Variants in FOXK2 observed in about 807,000 individuals in gnomAD.
FOXK2 encodes forkhead box K2, also known as forkhead box protein K2.
Under a neutral mutation model 53.3 loss-of-function variants are expected in FOXK2, and 24 were observed. The ratio of observed to expected loss-of-function variants is 0.45; its 90% CI spans 0.33 to 0.63. FOXK2 has a LOEUF of 0.63. Ranked by LOEUF, FOXK2 falls within the 30% of genes least tolerant of loss-of-function variation. The pLI, the probability that FOXK2 is intolerant of heterozygous loss-of-function variation, is 0.03. For synonymous variants in FOXK2, 505 were observed against 407.1 expected (o/e 1.24, Z -2.89); for missense variants, 952 against 910.5 (o/e 1.05, Z -0.59).
Position 82,563,399 on chromosome 17 carries a change from T to A in FOXK2, c.465T>A (p.Thr155=). ...FPSTNIKITF[T]ALSSEKREKQ... ...GCACAAACATCAAGATAACGTTCAC[T>A]GCCCTGTCCAGCGAGAAGAGAGAGA... The change falls in exon 2 of 9, where the codon ACT becomes ACA. Residue 155 remains threonine, a synonymous_variant. Transcript: ENST00000335255. 1 of 1,614,160 alleles carries A rather than the reference T, an allele frequency of 6.2e-7. No individual in the cohort carries two copies. Among genetic ancestry groups the A allele is most frequent in the East Asian group, 2.2e-5 (1 of 44,886 alleles).
chr17:82,558,436 T>C (rs913441360), intron 1 of FOXK2, among the ~76,000 whole-genome samples: 39 of 152,178 alleles, frequency 2.6e-4, no homozygotes, highest in African/African-American at 7.7e-4. Context: ...ACGAGGACGT[T>C]GTGCGTAACT....
intron 5 of FOXK2, 123 bp from the exon 6 acceptor site, chr17:82,583,890 C>G: frequency 2.0e-6 from 2 of 1,009,070 alleles, no homozygotes; most frequent in Non-Finnish European, 2.8e-6. Flanking sequence ...AGAACTTACA[C>G]AACAGTACTT....
intron 4 of FOXK2, among the ~76,000 whole-genome samples, 184 bp from the exon 5 acceptor site, chr17:82,582,557 T>C (rs2045076858): frequency 6.6e-6 from 1 of 152,194 alleles, no homozygotes; most frequent in Non-Finnish European, 1.5e-5. Context: ...AGGATGGGCC[T>C]TCCTTAAATC....
chr17:82,590,582 G>A (rs139375116), intron 8 of FOXK2, among the ~76,000 whole-genome samples: 1 of 152,078 alleles, frequency 6.6e-6, no homozygotes, highest in South Asian at 2.1e-4. Flanking sequence ...TTATTCATAT[G>A]TAGAGATTTC....
chr17:82,553,721 G>A (rs72861082), intron 1 of FOXK2, among the ~76,000 whole-genome samples: 27,423 of 152,178 alleles, frequency 0.18, 2,811 homozygotes, highest in Non-Finnish European at 0.24. Flanking sequence ...CACTAGAATC[G>A]GCTAAGCTCC....
At chr17:82,585,486 G>A (rs3794719) in intron 6 of FOXK2, among the ~76,000 whole-genome samples, 71,749 of 151,800 alleles carry the variant, frequency 0.47, 17,369 homozygotes, top group African/African-American at 0.56. Context: ...TAACATGCCC[G>A]GTTAATATTT....
At chr17:82,597,518 C>A (rs748377997) in intron 8 of FOXK2, among the ~76,000 whole-genome samples, 1 of 152,238 alleles carries the variant, frequency 6.6e-6, no homozygotes, top group African/African-American at 2.4e-5. Flanking sequence ...GCTTCAGGGC[C>A]GGGCGTGTTA....
At chr17:82,592,565 A>G (rs7215059) in intron 8 of FOXK2, among the ~76,000 whole-genome samples, 28,035 of 152,200 alleles carry the variant, frequency 0.18, 2,742 homozygotes, top group African/African-American at 0.24. Flanking sequence ...ACCCTGCGAC[A>G]TTCTCCTCAG....
intron 7 of FOXK2, 49 bp from the exon 8 acceptor site, chr17:82,587,014 T>C (rs1185025900): frequency 1.3e-6 from 2 of 1,571,106 alleles, no homozygotes; most frequent in Non-Finnish European, 1.8e-6. Flanking sequence ...GCAAGATTTT[T>C]ATTTGCTTTC....
chr17:82,579,522 C>T (rs2045032257), intron 4 of FOXK2, among the ~76,000 whole-genome samples: 1 of 145,766 alleles, frequency 6.9e-6, no homozygotes, highest in Admixed American at 6.9e-5. Flanking sequence ...TGGCCTAGCC[C>T]TCCTCTCCAT....
intron 8 of FOXK2, chr17:82,595,698 A>G (rs946406790): frequency 3.5e-5 from 41 of 1,156,470 alleles, no homozygotes; most frequent in Non-Finnish European, 4.4e-5. Context: ...GGTCCCTGTT[A>G]TTAAGCCTGT....
chr17:82,541,612 G>C (rs769670205), intron 1 of FOXK2, among the ~76,000 whole-genome samples: 10 of 152,218 alleles, frequency 6.6e-5, no homozygotes, highest in African/African-American at 2.2e-4. Flanking sequence ...ATTGATACTT[G>C]TGTGACAATC....
In FOXK2 at chr17:82,566,852, C is replaced by T. The variant is rs144296481; in HGVS notation, c.615-1202C>T. Among the ~76,000 whole-genome samples the T allele has an allele frequency of 4.9e-3, 741 of 152,378 alleles. 8 individuals carry two copies. The highest frequency in any genetic ancestry group is 0.017 in the African/African-American group (691 of 41,588). ...AGCGAGCCTGAGCAACCTGACTTTC[C>T]AAACCTGCCGTCCACCCAGCAGGTC... On this transcript the variant is annotated intron_variant, in intron 2 of 8. Transcript: ENST00000335255.
chr17:82,564,538 G>A (rs1156864637), intron 2 of FOXK2, among the ~76,000 whole-genome samples: 1 of 151,788 alleles, frequency 6.6e-6, no homozygotes, highest in Non-Finnish European at 1.5e-5. Context: ...GCCTGGCCTG[G>A]ATTCTTTTTA....
At chr17:82,524,595 G>A (rs181182194) in intron 1 of FOXK2, among the ~76,000 whole-genome samples, 1 of 152,306 alleles carries the variant, frequency 6.6e-6, no homozygotes, top group Admixed American at 6.5e-5. Context: ...TACAAAGATT[G>A]TCAGGGTGTG....
At chr17:82,577,418 C>T (rs1422819937) in intron 4 of FOXK2, 5 of 420,302 alleles carry the variant, frequency 1.2e-5, no homozygotes, top group Middle Eastern at 7.1e-4. Context: ...CAGGCTCCTA[C>T]CCCGCCTGTG....
intron 1 of FOXK2, among the ~76,000 whole-genome samples, chr17:82,561,846 C>T (rs1051882968): frequency 1.3e-5 from 2 of 152,042 alleles, no homozygotes; most frequent in East Asian, 1.9e-4. Context: ...GCGTAGCCTC[C>T]GACCTCCACA....
chr17:82,525,344 CT>C (rs571857735), intron 1 of FOXK2, among the ~76,000 whole-genome samples: 89 of 151,952 alleles, frequency 5.9e-4, no homozygotes, highest in South Asian at 1.9e-3. Context: ...GCCTGGCTAA[CT>C]TTTTTTGCAT....
At chr17:82,583,535 G>A (rs1356470485) in intron 5 of FOXK2, among the ~76,000 whole-genome samples, 1 of 152,210 alleles carries the variant, frequency 6.6e-6, no homozygotes, top group Non-Finnish European at 1.5e-5. Context: ...GCAAAACAGC[G>A]AAACTCCGTC....
Sources: allele counts gnomAD v4.1 joint callset (sites outside exome capture counted in the v4.1 genomes callset), GRCh38; gene constraint gnomAD v4.1.1; transcripts MANE v1.5; gene names NCBI Gene and HGNC (gene_info 2026-07-23, HGNC 2026-07-21).